The following DISP1 variants were observed in gnomAD, a reference collection of about 807,000 sequenced individuals.
The protein encoded by DISP1 is dispatched RND transporter family member 1.
A neutral mutation model predicts 37.3 loss-of-function variants in DISP1; 30 were observed. The observed-to-expected ratio is 0.80, with a 90% CI of 0.60 to 1.09. The LOEUF is 1.09. Ranked by LOEUF, DISP1 falls within the 50% of genes least tolerant of loss-of-function variation. The pLI is 0.00. For synonymous variants in DISP1, 634 were observed against 690.2 expected, an observed-to-expected ratio of 0.92 and a Z score of 1.28; for missense variants, 1,598 against 1,879.5, an observed-to-expected ratio of 0.85 and a Z score of 2.77.
At position 223,005,480 on chromosome 1, in the gene DISP1, GCA is replaced by G; in HGVS notation, c.4086_4087del (p.Ile1363SerfsTer49). ...GGAATTTTTTCCTCCACCCAGTGCA[GCA>G]CATTCAGGCCCAAGAAAAAATTGGC... Reference protein sequence around the residue: ...PRNFFLHPVQHIQAQEKIGKT... With the variant: ...PRNFFLHPVQXIQAQEKIGKT... On this transcript the variant is annotated frameshift_variant, in exon 9 of 9. Transcript: ENST00000675850. LOFTEE classifies it low-confidence loss of function (END_TRUNC). 6.2e-7 allele frequency: 1 copy of G among 1,613,922 alleles called. No individual in the cohort carries two copies. Among genetic ancestry groups the G allele is most frequent in the Non-Finnish European group, 8.5e-7 (1 of 1,180,036 alleles).
intron 4 of DISP1, among the ~76,000 whole-genome samples, chr1:222,986,941 T>C (rs770456580): frequency 1.3e-5 from 2 of 152,096 alleles, no homozygotes; most frequent in African/African-American, 2.4e-5. Context: ...ACAAATATGA[T>C]TTGATATGCA....
intron 1 of DISP1, among the ~76,000 whole-genome samples, chr1:222,906,734 A>C (rs1671917531): frequency 6.6e-6 from 1 of 152,250 alleles, no homozygotes; most frequent in Non-Finnish European, 1.5e-5. Flanking sequence ...ATCAAGAAAT[A>C]ACCATAAAAA....
At chr1:222,884,862 G>C (rs1044286635) in intron 1 of DISP1, among the ~76,000 whole-genome samples, 1 of 152,170 alleles carries the variant, frequency 6.6e-6, no homozygotes, top group Non-Finnish European at 1.5e-5. Context: ...TGGTGAGACG[G>C]AGTCTCGCTG....
chr1:222,871,757 T>C (rs967048833), intron 1 of DISP1, among the ~76,000 whole-genome samples: 1 of 152,188 alleles, frequency 6.6e-6, no homozygotes, highest in African/African-American at 2.4e-5. Flanking sequence ...ACTTCCTCTT[T>C]TCCTAATTGA....
At chr1:222,936,538 T>TCC (rs1237767052) in intron 2 of DISP1, among the ~76,000 whole-genome samples, 1 of 123,826 alleles carries the variant, frequency 8.1e-6, no homozygotes, top group African/African-American at 3.0e-5. Flanking sequence ...TCTCTCTCTC[T>TCC]CTCTATATAT....
In DISP1 at chr1:222,882,329, A is replaced by G. The variant is rs1392408728; in HGVS notation, c.-158-46101A>G. On this transcript the variant is annotated intron_variant, in intron 1 of 8. Coordinates refer to ENST00000675850, the MANE Select transcript of DISP1 (RefSeq NM_001377229.1). ...AGCCTCTCAAATTAATTCCTTCTTG[A>G]AGGTGTGAGAATTTTTCTTCACTAC... Among the ~76,000 whole-genome samples the G allele has an allele frequency of 3.3e-5, 5 of 152,218 alleles. No individual in the cohort carries two copies. The East Asian group carries it at 9.6e-4, about 29-fold the overall frequency.
chr1:222,923,670 G>C (rs936063042), intron 1 of DISP1, among the ~76,000 whole-genome samples: 2 of 152,146 alleles, frequency 1.3e-5, no homozygotes, highest in African/African-American at 2.4e-5. Flanking sequence ...AGCCATGCTT[G>C]TGGAGATTTC....
intron 3 of DISP1, among the ~76,000 whole-genome samples, chr1:222,954,580 G>C (rs925997824): frequency 6.6e-6 from 1 of 152,170 alleles, no homozygotes; most frequent in African/African-American, 2.4e-5. Context: ...GAAGGAGAAG[G>C]ATGATTTCAG....
chr1:222,913,256 T>C (rs1242448753), intron 1 of DISP1, among the ~76,000 whole-genome samples: 6 of 152,186 alleles, frequency 3.9e-5, no homozygotes, highest in Non-Finnish European at 8.8e-5. Context: ...AAGACCAAAT[T>C]ATTTTATAGG....
intron 4 of DISP1, 57 bp from the exon 5 acceptor site, chr1:222,990,568 C>G: frequency 6.2e-7 from 1 of 1,612,976 alleles, no homozygotes; most frequent in Non-Finnish European, 8.5e-7. Context: ...TTTGTGCCTT[C>G]TTTGTGTTTC....
At chr1:222,868,890 A>G (rs1669353752) in intron 1 of DISP1, among the ~76,000 whole-genome samples, 1 of 152,158 alleles carries the variant, frequency 6.6e-6, no homozygotes, top group Admixed American at 6.6e-5. Context: ...TAAATGATTC[A>G]TATGTATATT....
intron 3 of DISP1, among the ~76,000 whole-genome samples, chr1:222,965,045 T>A (rs926746090): frequency 2.0e-5 from 3 of 152,106 alleles, no homozygotes; most frequent in Non-Finnish European, 4.4e-5. Flanking sequence ...CCATGTTAAC[T>A]CAAATCATAG....
At chr1:222,892,816 G>A (rs553752472) in intron 1 of DISP1, among the ~76,000 whole-genome samples, 2 of 152,282 alleles carry the variant, frequency 1.3e-5, no homozygotes, top group Admixed American at 1.3e-4. Context: ...AAGAAAATGA[G>A]CTTAAATGAA....
chr1:222,982,926 C>G (rs1677940368), intron 3 of DISP1, among the ~76,000 whole-genome samples, 154 bp from the exon 4 acceptor site: 2 of 140,170 alleles, frequency 1.4e-5, no homozygotes, highest in Non-Finnish European at 3.0e-5. Flanking sequence ...TAAAATCTCT[C>G]AAATAGATTG....
chr1:222,868,351 A>G (rs61840275), intron 1 of DISP1, among the ~76,000 whole-genome samples: 85 of 147,958 alleles, frequency 5.7e-4, no homozygotes, highest in African/African-American at 1.9e-3. Context: ...ACATATATAT[A>G]TGTGTGTGTA....
chr1:222,826,078 T>A (rs985262768), intron 1 of DISP1, among the ~76,000 whole-genome samples: 22 of 152,062 alleles, frequency 1.4e-4, no homozygotes, highest in African/African-American at 4.3e-4. Flanking sequence ...ATTTAAAAAT[T>A]GTTTTGTAGA....
chr1:222,871,768 A>T (rs1236920592), intron 1 of DISP1, among the ~76,000 whole-genome samples: 1 of 152,134 alleles, frequency 6.6e-6, no homozygotes, highest in Non-Finnish European at 1.5e-5. Flanking sequence ...TCCTAATTGA[A>T]TGCCGTTTAT....
At chr1:222,904,662 G>T (rs1671801128) in intron 1 of DISP1, among the ~76,000 whole-genome samples, 1 of 151,704 alleles carries the variant, frequency 6.6e-6, no homozygotes, top group Non-Finnish European at 1.5e-5. Context: ...CTGCCTGGCA[G>T]GTTCAAGCAA....
intron 1 of DISP1, among the ~76,000 whole-genome samples, chr1:222,899,310 G>A (rs1194880850): frequency 6.6e-6 from 1 of 152,124 alleles, no homozygotes; most frequent in African/African-American, 2.4e-5. Flanking sequence ...ATTTTAAAAA[G>A]TTATTTGTTT....
Sources: gnomAD v4.1 joint callset for allele counts (sites outside exome capture counted in the v4.1 genomes callset) on GRCh38, gnomAD v4.1.1 for gene constraint, MANE v1.5 for transcripts, NCBI Gene and HGNC (gene_info 2026-07-23, HGNC 2026-07-21) for gene names.